Variants in ST6GAL1 observed in about 807,000 individuals in gnomAD.
ST6GAL1 encodes the protein ST6 beta-galactoside alpha-2,6-sialyltransferase 1.
In ST6GAL1, 20 loss-of-function variants were observed where a neutral mutation model predicts 38.0. The ratio of observed to expected loss-of-function variants is 0.53; its 90% CI spans 0.37 to 0.77. ST6GAL1 has a LOEUF of 0.77. ST6GAL1 is among the 30% of genes least tolerant of loss of function. The pLI, the probability that ST6GAL1 is intolerant of heterozygous loss-of-function variation, is 0.00. For missense variants in ST6GAL1, 432 were observed against 496.4 expected, an observed-to-expected ratio of 0.87 and a Z score of 1.23; for synonymous variants, 196 against 188.2, an observed-to-expected ratio of 1.04 and a Z score of -0.34.
intron 2 of ST6GAL1, among the ~76,000 whole-genome samples, chr3:187,014,120 CCTTA>C (rs1170093311): frequency 1.3e-5 from 2 of 152,232 alleles, no homozygotes; most frequent in South Asian, 4.1e-4. Context: ...ACTGCACAAT[CCTTA>C]CTTCTAACCC....
chr3:187,015,818 GAC>G (rs949044410), intron 2 of ST6GAL1, among the ~76,000 whole-genome samples: 1 of 151,998 alleles, frequency 6.6e-6, no homozygotes, highest in African/African-American at 2.4e-5. Context: ...CAGCCTGGGT[GAC>G]ACAGTGACAA....
chr3:186,968,125 A>G lies in ST6GAL1; in HGVS notation c.-183+4199A>G, dbSNP rs116530419. On this transcript the variant is annotated intron_variant, in intron 2 of 7. Coordinates refer to ENST00000169298, the MANE Select transcript of ST6GAL1 (RefSeq NM_173216.2). ...AGGTTGGGAATTTGCCACTGTAGAA[A>G]GGCATCACAGTACGGAGAAAAGTGG... Among the ~76,000 whole-genome samples the G allele has an allele frequency of 6.5e-3, 986 of 152,296 alleles. 9 individuals are homozygous for G. The highest frequency in any genetic ancestry group is 0.021 in the African/African-American group (867 of 41,558).
chr3:187,018,291 C>T (rs1363749276), intron 2 of ST6GAL1, among the ~76,000 whole-genome samples: 4 of 152,136 alleles, frequency 2.6e-5, no homozygotes, highest in Admixed American at 2.6e-4. Context: ...TTTTTCTAAG[C>T]ACCCTTCTGT....
rs758711603 is a variant in ST6GAL1, at chr3:187,072,891, A to C, written c.748A>C (p.Asn250His). The C allele has an allele frequency of 4.9e-5, 79 of 1,613,950 alleles. No individual in the cohort carries two copies. The highest frequency in any genetic ancestry group is 6.7e-5 in the Admixed American group (4 of 60,004). The change falls in exon 6 of 8, where the codon AAT becomes CAT. Residue 250 changes from asparagine to histidine, a missense_variant. Coordinates refer to ENST00000169298, the MANE Select transcript of ST6GAL1 (RefSeq NM_173216.2). ...GCGCTTCCTCAAAGACAGTTTGTAC[A>C]ATGAAGGAATCCTAATTGTATGGGA... ...EKRFLKDSLY[N>H]EGILIVWDPS...
At chr3:187,042,308 A>G (rs188394862) in intron 3 of ST6GAL1, among the ~76,000 whole-genome samples, 72 of 152,258 alleles carry the variant, frequency 4.7e-4, no homozygotes, top group African/African-American at 1.7e-3. Context: ...TCTGACTTCA[A>G]GAAACTCAGA....
At chr3:187,022,801 T>A (rs1200341718) in intron 2 of ST6GAL1, among the ~76,000 whole-genome samples, 2 of 152,202 alleles carry the variant, frequency 1.3e-5, no homozygotes, top group Non-Finnish European at 2.9e-5. Flanking sequence ...CTGTCTGTCA[T>A]GTGATACTAT....
intron 5 of ST6GAL1, chr3:187,051,680 G>C (rs1419241139): frequency 3.5e-6 from 1 of 281,710 alleles, no homozygotes; most frequent in African/African-American, 2.1e-5. Flanking sequence ...AGAGTGGGGA[G>C]TGTTGTGAAA....
At chr3:186,984,573 C>G (rs1053309538) in intron 2 of ST6GAL1, among the ~76,000 whole-genome samples, 1 of 152,112 alleles carries the variant, frequency 6.6e-6, no homozygotes, top group Non-Finnish European at 1.5e-5. Context: ...AAACACGCTT[C>G]CCCAGATATT....
At position 187,002,113 on chromosome 3, in the gene ST6GAL1, A is replaced by C. The variant is rs188918521; in HGVS notation, c.-182-36629A>C. The stretch of plus-strand genomic sequence containing the variant: ...TGTTATGGTGTATTTTTAAGTCCAC[A>C]TTCTAGGTTTAAGGCCATCTTGAAA... On this transcript the variant is annotated intron_variant, in intron 2 of 7. Transcript: ENST00000169298. 2.6e-5 allele frequency among the ~76,000 whole-genome samples: 4 copies of C among 152,272 alleles called. No homozygotes were observed. In the East Asian group the frequency reaches 7.7e-4, roughly 29 times the overall value.
At chr3:186,971,399 A>T (rs1420966031) in intron 2 of ST6GAL1, among the ~76,000 whole-genome samples, 1 of 152,152 alleles carries the variant, frequency 6.6e-6, no homozygotes, top group Non-Finnish European at 1.5e-5. Context: ...TGCCCCCCCA[A>T]CGTTAGCTGT....
chr3:187,026,035 A>G (rs1458134062), intron 2 of ST6GAL1, among the ~76,000 whole-genome samples: 5 of 152,188 alleles, frequency 3.3e-5, no homozygotes, highest in African/African-American at 1.2e-4. Flanking sequence ...TGAGCCATGC[A>G]GGTGGGCCTG....
At chr3:187,046,821 C>A (rs957114636) in intron 4 of ST6GAL1, among the ~76,000 whole-genome samples, 2 of 152,272 alleles carry the variant, frequency 1.3e-5, no homozygotes, top group African/African-American at 4.8e-5. Flanking sequence ...TCTGTCACAA[C>A]TACTCAACTC....
At chr3:186,962,591 C>G (rs1169236037) in intron 1 of ST6GAL1, among the ~76,000 whole-genome samples, 1 of 152,084 alleles carries the variant, frequency 6.6e-6, no homozygotes, top group Non-Finnish European at 1.5e-5. Context: ...TCTATGGTAC[C>G]AGTAGTCCTG....
chr3:186,963,515 C>A (rs573634472), intron 1 of ST6GAL1, among the ~76,000 whole-genome samples: 1 of 152,334 alleles, frequency 6.6e-6, no homozygotes, highest in African/African-American at 2.4e-5. Context: ...GCTTTCTAAC[C>A]CTTGCTTTTT....
intron 5 of ST6GAL1, among the ~76,000 whole-genome samples, chr3:187,059,794 C>T (rs1718847433): frequency 6.6e-6 from 1 of 152,140 alleles, no homozygotes; most frequent in African/African-American, 2.4e-5. Context: ...CAATTGTGAG[C>T]AAAACAGGCT....
intron 5 of ST6GAL1, among the ~76,000 whole-genome samples, chr3:187,055,284 G>A (rs980767797): frequency 8.0e-5 from 12 of 149,922 alleles, no homozygotes; most frequent in African/African-American, 2.9e-4. Flanking sequence ...TTTTTGAAGA[G>A]TTTTTTGTGT....
chr3:186,968,610 G>C (rs1341526708), intron 2 of ST6GAL1, among the ~76,000 whole-genome samples: 1 of 152,018 alleles, frequency 6.6e-6, no homozygotes, highest in Admixed American at 6.6e-5. Context: ...ATTTTCTGGA[G>C]CTTTATGTAA....
At chr3:186,972,735 G>T (rs1433337745) in intron 2 of ST6GAL1, among the ~76,000 whole-genome samples, 5 of 152,072 alleles carry the variant, frequency 3.3e-5, no homozygotes. Context: ...CTTCACTGAC[G>T]AACTGGGGTA....
rs1182448647 is a variant in ST6GAL1 at position 187,043,011 on chromosome 3, A to T, written c.308A>T (p.Lys103Ile). ...FQVWNKDSSS[K>I]NLIPRLQKIW... The stretch of plus-strand genomic sequence containing the variant: ...GTGTGGAACAAGGACAGCTCTTCCA[A>T]AAACCTTATCCCTAGGCTGCAAAAG... The change falls in exon 4 of 8, where the codon AAA (lysine) becomes ATA (isoleucine). Residue 103 changes from lysine (K) to isoleucine (I), a missense_variant. Physicochemically the swap from Lys to Ile is moderately radical, Grantham distance 102. Coordinates refer to ENST00000169298, the MANE Select transcript of ST6GAL1 (RefSeq NM_173216.2). The T allele has an allele frequency of 1.2e-6, 2 of 1,614,172 alleles. No homozygotes were observed. The highest frequency in any genetic ancestry group is 2.2e-5 in the South Asian group (2 of 91,078).
Sources: gnomAD v4.1 joint callset for allele counts (sites outside exome capture counted in the v4.1 genomes callset) on GRCh38, gnomAD v4.1.1 for gene constraint, MANE v1.5 for transcripts, NCBI Gene and HGNC (gene_info 2026-07-23, HGNC 2026-07-21) for gene names.